DYNLL1: variants seen among roughly 807,000 people sequenced by gnomAD.
The protein encoded by DYNLL1 is dynein light chain 1, cytoplasmic.
Under a neutral mutation model 10.1 loss-of-function variants are expected in DYNLL1, and 3 were observed. That is an observed-to-expected ratio of 0.30 (90% CI 0.14 to 0.77). The LOEUF (loss-of-function observed/expected upper bound fraction) is 0.77, where lower values mean the gene tolerates loss of function less well. Ranked by LOEUF, DYNLL1 falls within the 30% of genes least tolerant of loss-of-function variation. DYNLL1 has a pLI of 0.66. For missense variants in DYNLL1, 47 were observed against 111.7 expected (o/e 0.42, Z 2.61); for synonymous variants, 46 against 41.2 (o/e 1.12, Z -0.45).
chr12:120,489,183 C>T (rs1209488433), intron 1 of DYNLL1, among the ~76,000 whole-genome samples: 1 of 152,208 alleles, frequency 6.6e-6, no homozygotes, highest in Non-Finnish European at 1.5e-5. Context: ...CTCATCCAGT[C>T]CCATTGCTTT....
chr12:120,496,038 G>C (rs1868371797), upstream of DYNLL1: 2 of 347,004 alleles, frequency 5.8e-6, no homozygotes, highest in Non-Finnish European at 1.1e-5. Context: ...ATAGGGTCGC[G>C]CGGCGAGGGG....
At chr12:120,496,761 A>C in intron 2 of DYNLL1, 1 of 646,976 alleles carries the variant, frequency 1.5e-6, no homozygotes, top group East Asian at 2.8e-5. Flanking sequence ...TTTTTTTTTT[A>C]ATTACCCAGC....
chr12:120,485,296 G>T (rs564265115), intron 1 of DYNLL1, among the ~76,000 whole-genome samples: 1 of 115,038 alleles, frequency 8.7e-6, no homozygotes, highest in Non-Finnish European at 1.6e-5. Context: ...TTGCTCTGTC[G>T]CCCAGGCTGG....
intron 1 of DYNLL1, among the ~76,000 whole-genome samples, chr12:120,475,363 C>G: frequency 6.6e-6 from 1 of 152,118 alleles, no homozygotes. Flanking sequence ...CTTTTTATAT[C>G]AGGGCTTCCT....
chr12:120,477,015 T>A (rs747913517), intron 1 of DYNLL1, among the ~76,000 whole-genome samples: 3 of 151,826 alleles, frequency 2.0e-5, no homozygotes, highest in Non-Finnish European at 2.9e-5. Context: ...CTGCAACCTC[T>A]GCCTCCTAGG....
In DYNLL1 at chr12:120,487,272, C is replaced by CTT. The variant is rs71076619; in HGVS notation, c.-6-9107_-6-9106dup. 4.0e-5 allele frequency among the ~76,000 whole-genome samples: 2 copies of CTT among 50,416 alleles called. 1 individual carries two copies. Among genetic ancestry groups the CTT allele is most frequent in the African/African-American group, 1.8e-4 (2 of 11,360 alleles). 33.1% of individuals were successfully genotyped at this position (50,416 alleles called of 152,430 possible). A position where few individuals can be genotyped will look rare whatever the true frequency, so the allele number is the denominator to read the frequency against. ...ACAGGCGTAAGCCACCGTGCCCGGC[C>CTT]TTTTTTTTTTTTTTTTTTTTTTTTT... On this transcript the variant is annotated intron_variant, in intron 1 of 2. Coordinates refer to the DYNLL1 transcript ENST00000392509.
intron 1 of DYNLL1, among the ~76,000 whole-genome samples, chr12:120,490,037 C>T (rs548341017): frequency 1.6e-4 from 25 of 152,356 alleles, no homozygotes; most frequent in South Asian, 1.2e-3. Context: ...CGTAAGCCAC[C>T]GTGCCTGGCC....
intron 1 of DYNLL1, among the ~76,000 whole-genome samples, chr12:120,483,812 G>A (rs574858429): frequency 1.5e-4 from 23 of 152,130 alleles, no homozygotes; most frequent in Non-Finnish European, 2.6e-4. Flanking sequence ...CAGATGTCAT[G>A]GAGAAAAGGG....
rs756091585 is a variant in DYNLL1 at position 120,496,615 on chromosome 12, T to G, written c.132+62T>G. The G allele has an allele frequency of 2.5e-6, 4 of 1,613,442 alleles. No homozygotes were observed. The South Asian group carries it at 4.4e-5, about 18-fold the overall frequency. On this transcript the variant is annotated intron_variant, in intron 2 of 2. Transcript: ENST00000242577. Reference sequence around the variant, plus strand: ...GCAGGGGGTTCCTTCCCCCCGATCCTGCTTTCCTAAGGGCGCCTGACAGGT... The same window carrying G: ...GCAGGGGGTTCCTTCCCCCCGATCCGGCTTTCCTAAGGGCGCCTGACAGGT...
At chr12:120,495,616 C>G (rs964154760), upstream of DYNLL1, among the ~76,000 whole-genome samples, 1 of 147,276 alleles carries the variant, frequency 6.8e-6, no homozygotes, top group East Asian at 2.0e-4. Context: ...TCAGAGATAC[C>G]CTTTCAGTAA....
At chr12:120,477,135 G>A (rs1236569899) in intron 1 of DYNLL1, among the ~76,000 whole-genome samples, 2 of 152,070 alleles carry the variant, frequency 1.3e-5, no homozygotes, top group Non-Finnish European at 2.9e-5. Flanking sequence ...CACCATGTTG[G>A]CCAGGCTGGT....
At chr12:120,478,635 T>C (rs1363545675) in intron 1 of DYNLL1, among the ~76,000 whole-genome samples, 1 of 149,784 alleles carries the variant, frequency 6.7e-6, no homozygotes, top group African/African-American at 2.4e-5. Flanking sequence ...GCAGATCACT[T>C]GAGGTCAGGA....
rs34770269 is a variant in DYNLL1, at chr12:120,477,791, A to AT, written c.-7+7687_-7+7688insT. Among the ~76,000 whole-genome samples the AT allele has an allele frequency of 1.2e-4, 18 of 151,400 alleles. No homozygotes were observed. The East Asian group carries it at 3.5e-3, about 29-fold the overall frequency. ...CCCCGTCTCTGAAAAATAAAGTAAA[A>AT]ATATATATATATTTTTTTTTCTGAG... On this transcript the variant is annotated intron_variant, in intron 1 of 2. Coordinates refer to the DYNLL1 transcript ENST00000392509.
At chr12:120,469,927 C>T (rs1315862789) in exon 1 of DYNLL1, 1 of 199,556 alleles carries the variant, frequency 5.0e-6, no homozygotes, top group East Asian at 1.3e-4. Context: ...AGGCGCTGGA[C>T]AAGTGGCTTG....
At chr12:120,495,045 TTTTACATTTAGTCCTCC>T (rs904658657), upstream of DYNLL1, among the ~76,000 whole-genome samples, 1 of 152,186 alleles carries the variant, frequency 6.6e-6, no homozygotes, top group Non-Finnish European at 1.5e-5. Context: ...ACTGGTTTCC[TTTTACATTTAGTCCTCC>T]TTTACTTAAA....
intron 1 of DYNLL1, among the ~76,000 whole-genome samples, chr12:120,489,546 A>T (rs539176944): frequency 6.6e-6 from 1 of 152,196 alleles, no homozygotes; most frequent in Admixed American, 6.5e-5. Context: ...CCAAGCCACC[A>T]TTCCTTCTTA....
At chr12:120,472,571 T>A (rs1878673582) in intron 1 of DYNLL1, among the ~76,000 whole-genome samples, 1 of 152,102 alleles carries the variant, frequency 6.6e-6, no homozygotes, top group Non-Finnish European at 1.5e-5. Context: ...TATGTGATTG[T>A]TGCCTGGAAA....
intron 1 of DYNLL1, among the ~76,000 whole-genome samples, chr12:120,471,773 G>T (rs1014261431): frequency 1.3e-5 from 2 of 151,974 alleles, no homozygotes; most frequent in Non-Finnish European, 2.9e-5. Flanking sequence ...ACCACGCCCG[G>T]CTGATTTTTT....
At chr12:120,489,527 C>T (rs1390406727) in intron 1 of DYNLL1, among the ~76,000 whole-genome samples, 2 of 152,188 alleles carry the variant, frequency 1.3e-5, no homozygotes, top group Non-Finnish European at 2.9e-5. Context: ...TCTGCTACCA[C>T]CTCCTTGTCC....
Sources: allele counts gnomAD v4.1 joint callset (sites outside exome capture counted in the v4.1 genomes callset), GRCh38; gene constraint gnomAD v4.1.1; transcripts MANE v1.5; gene names NCBI Gene and HGNC (gene_info 2026-07-23, HGNC 2026-07-21).